The following ARHGEF28 variants were observed in gnomAD, a reference collection of about 807,000 sequenced individuals.
ARHGEF28 encodes Rho guanine nucleotide exchange factor 28.
In ARHGEF28, 152 loss-of-function variants were observed where a neutral mutation model predicts 206.6. That is an observed-to-expected ratio of 0.74 (90% CI 0.64 to 0.84). The LOEUF is 0.84. Ranked by LOEUF, ARHGEF28 falls within the 40% of genes least tolerant of loss-of-function variation. The pLI is 0.00. For missense variants in ARHGEF28, 2,028 were observed against 2,073.2 expected, an observed-to-expected ratio of 0.98 and a Z score of 0.42; for synonymous variants, 763 against 776.4, an observed-to-expected ratio of 0.98 and a Z score of 0.29.
chr5:73,813,675 TAGA>T, intron 9 of ARHGEF28: 1 of 1,535,408 alleles, frequency 6.5e-7, no homozygotes, highest in Non-Finnish European at 8.7e-7. Context: ...CCAAACAAGG[TAGA>T]TTGCAGTATC....
intron 35 of ARHGEF28, among the ~76,000 whole-genome samples, chr5:73,922,013 G>A (rs1243563204): frequency 1.3e-5 from 2 of 152,168 alleles, no homozygotes; most frequent in African/African-American, 2.4e-5. Flanking sequence ...AACAGGAATT[G>A]CATGCTCAAA....
chr5:73,823,979 G>A (rs999901009), intron 9 of ARHGEF28, among the ~76,000 whole-genome samples: 3 of 152,204 alleles, frequency 2.0e-5, no homozygotes, highest in Non-Finnish European at 4.4e-5. Context: ...AGTTATGTTA[G>A]CTACAATAGT....
At chr5:73,849,134 C>A (rs1200854751) in intron 13 of ARHGEF28, 47 bp downstream of exon 13, 7 of 1,304,504 alleles carry the variant, frequency 5.4e-6, no homozygotes, top group Non-Finnish European at 7.5e-6. Flanking sequence ...TATTCCAGAA[C>A]AGATTTTTCA....
At chr5:73,824,713 C>T (rs1756794321) in intron 9 of ARHGEF28, among the ~76,000 whole-genome samples, 1 of 151,992 alleles carries the variant, frequency 6.6e-6, no homozygotes, top group Admixed American at 6.6e-5. Flanking sequence ...GGTGATTCAC[C>T]CACCTTGGCC....
chr5:73,753,958 C>T lies in ARHGEF28; in HGVS notation c.475+756C>T, dbSNP rs13153789. On this transcript the variant is annotated intron_variant, in intron 4 of 35. Coordinates refer to ENST00000513042, the MANE Select transcript of ARHGEF28 (RefSeq NM_001177693.2). ...TGCTGGGATTACAGGCATGAGCCCA[C>T]GTGTCCAGCCAATAGCTGCTTTTTA... is the stretch of plus-strand genomic sequence containing the variant. 3.9e-3 allele frequency among the ~76,000 whole-genome samples: 598 copies of T among 152,288 alleles called. 3 individuals are homozygous for T. Among genetic ancestry groups the T allele is most frequent in the Non-Finnish European group, 7.4e-3 (505 of 68,022 alleles).
At chr5:73,651,426 GA>G (rs1290831438) in intron 1 of ARHGEF28, among the ~76,000 whole-genome samples, 1 of 152,158 alleles carries the variant, frequency 6.6e-6, no homozygotes, top group Non-Finnish European at 1.5e-5. Flanking sequence ...ATCTTGTTTT[GA>G]AACCAAACAT....
At chr5:73,897,018 C>T (rs192003818) in intron 29 of ARHGEF28, among the ~76,000 whole-genome samples, 26 of 152,286 alleles carry the variant, frequency 1.7e-4, no homozygotes, top group Middle Eastern at 6.8e-3. Flanking sequence ...AGTTATCTTC[C>T]GACAAAAAGC....
chr5:73,744,123 C>A (rs1156471582), intron 2 of ARHGEF28, among the ~76,000 whole-genome samples: 1 of 152,084 alleles, frequency 6.6e-6, no homozygotes, highest in African/African-American at 2.4e-5. Flanking sequence ...GTGCTGTACA[C>A]ATAGATAATA....
chr5:73,888,410 C>T (rs1326818870), intron 26 of ARHGEF28, among the ~76,000 whole-genome samples: 3 of 152,172 alleles, frequency 2.0e-5, no homozygotes, highest in African/African-American at 4.8e-5. Context: ...ATTGGTTTGT[C>T]CAGCAGCTTC....
intron 2 of ARHGEF28, among the ~76,000 whole-genome samples, chr5:73,687,117 G>A (rs1322990170): frequency 6.6e-6 from 1 of 151,984 alleles, no homozygotes; most frequent in Admixed American, 6.6e-5. Flanking sequence ...ATACCTTGCT[G>A]GTGCTACATA....
chr5:73,768,600 C>G (rs1753043099), intron 4 of ARHGEF28, among the ~76,000 whole-genome samples: 1 of 152,106 alleles, frequency 6.6e-6, no homozygotes, highest in African/African-American at 2.4e-5. Flanking sequence ...GCCTGTAACC[C>G]CATTGTATCT....
intron 1 of ARHGEF28, among the ~76,000 whole-genome samples, chr5:73,665,540 G>A (rs568065858): frequency 2.0e-5 from 3 of 152,240 alleles, no homozygotes; most frequent in Admixed American, 1.3e-4. Context: ...TAACACAGAT[G>A]GGGTAATTTA....
intron 20 of ARHGEF28, among the ~76,000 whole-genome samples, chr5:73,869,112 G>A (rs985662987): frequency 1.3e-5 from 2 of 149,914 alleles, no homozygotes; most frequent in African/African-American, 4.9e-5. Flanking sequence ...TTAATCTTAA[G>A]TCTTTAAATT....
intron 4 of ARHGEF28, among the ~76,000 whole-genome samples, chr5:73,761,667 T>C (rs1468401119): frequency 1.3e-5 from 2 of 152,190 alleles, no homozygotes; most frequent in Admixed American, 1.3e-4. Context: ...CCCATATACC[T>C]ACTGTCCTTT....
At position 73,885,849 on chromosome 5, in the gene ARHGEF28, G is replaced by A. The variant is rs1761247837; in HGVS notation, c.3056-1G>A. Reference sequence around the variant, plus strand: ...TTTGTTTGTTTCTTTTTCCCACGCAGAAAGAACTGAGGAACATAAAGACTT... The same window carrying A: ...TTTGTTTGTTTCTTTTTCCCACGCAAAAAGAACTGAGGAACATAAAGACTT... On this transcript the variant is annotated splice_acceptor_variant, in intron 24 of 35. Coordinates refer to ENST00000513042, the MANE Select transcript of ARHGEF28 (RefSeq NM_001177693.2). LOFTEE classifies it high-confidence loss of function. The A allele has an allele frequency of 6.2e-7, 1 of 1,600,450 alleles. No homozygotes were observed. Among genetic ancestry groups the A allele is most frequent in the Admixed American group, 1.7e-5 (1 of 57,428 alleles).
intron 16 of ARHGEF28, among the ~76,000 whole-genome samples, chr5:73,859,027 C>A (rs760020098): frequency 2.0e-4 from 30 of 152,310 alleles, no homozygotes; most frequent in Non-Finnish European, 3.2e-4. Flanking sequence ...CAGATACCCA[C>A]ACGGATCACT....
At chr5:73,850,937 C>T (rs1036469438) in intron 13 of ARHGEF28, among the ~76,000 whole-genome samples, 5 of 152,108 alleles carry the variant, frequency 3.3e-5, no homozygotes, top group African/African-American at 1.2e-4. Flanking sequence ...TGAGTCTACT[C>T]ACTAAATATA....
At chr5:73,792,769 C>G (rs1754559059) in intron 7 of ARHGEF28, among the ~76,000 whole-genome samples, 1 of 151,484 alleles carries the variant, frequency 6.6e-6, no homozygotes, top group Non-Finnish European at 1.5e-5. Flanking sequence ...GTGCCAAATA[C>G]CATGGTAGGT....
At chr5:73,832,277 G>C in intron 9 of ARHGEF28, 61 bp from the exon 10 acceptor site, 1 of 1,584,024 alleles carries the variant, frequency 6.3e-7, no homozygotes, top group African/African-American at 1.3e-5. Flanking sequence ...AGAAGGTAAA[G>C]CTTGACTGTA....
Sources: allele counts gnomAD v4.1 joint callset (sites outside exome capture counted in the v4.1 genomes callset), GRCh38; gene constraint gnomAD v4.1.1; transcripts MANE v1.5; gene names NCBI Gene and HGNC (gene_info 2026-07-23, HGNC 2026-07-21).